The following RANBP3L variants were observed in gnomAD, a reference collection of about 807,000 sequenced individuals.
RANBP3L encodes RAN binding protein 3 like.
In RANBP3L, 56 loss-of-function variants were observed where a neutral mutation model predicts 67.2. That is an observed-to-expected ratio of 0.83 (90% confidence interval 0.67 to 1.04). The LOEUF is 1.04. RANBP3L is among the 50% of genes least tolerant of loss of function. RANBP3L has a pLI of 0.00. For missense variants in RANBP3L, 496 were observed against 535.5 expected (o/e 0.93, Z 0.73); for synonymous variants, 164 against 181.4 (o/e 0.90, Z 0.77).
chr5:36,249,515 CA>C lies in RANBP3L; in HGVS notation c.*138del, dbSNP rs1367812283. ...ATGTAAAACATAAAAATGTTAATTG[CA>C]ACAAATTACATTTCTTAAACTTTTC... is the stretch of plus-strand genomic sequence containing the variant. On this transcript the variant is annotated 3_prime_UTR_variant, in exon 14 of 14. Coordinates refer to ENST00000296604, the MANE Select transcript of RANBP3L (RefSeq NM_145000.5). The C allele has an allele frequency of 6.6e-6, 3 of 454,532 alleles. No individual in the cohort carries two copies. Among genetic ancestry groups the C allele is most frequent in the Non-Finnish European group, 1.2e-5 (3 of 247,980 alleles). 28.2% of individuals were successfully genotyped at this position (454,532 alleles called of 1,614,324 possible). A position where few individuals can be genotyped will look rare whatever the true frequency, so the allele number is the denominator to read the frequency against.
chr5:36,287,705 C>T (rs1399992279), intron 1 of RANBP3L, among the ~76,000 whole-genome samples: 3 of 152,106 alleles, frequency 2.0e-5, no homozygotes, highest in African/African-American at 7.2e-5. Context: ...TTTTATTATA[C>T]CTCAATTTAT....
At chr5:36,273,950 G>A (rs1045784304) in intron 1 of RANBP3L, among the ~76,000 whole-genome samples, 4 of 152,208 alleles carry the variant, frequency 2.6e-5, no homozygotes, top group Admixed American at 6.5e-5. Context: ...TCTACCAATC[G>A]CTGAGTTTTG....
chr5:36,255,501 G>T lies in RANBP3L; in HGVS notation c.993C>A (p.Ser331Arg). Residue 331 changes from serine to arginine, a missense_variant, in exon 11 of 14, where the codon AGC (serine) becomes AGA (arginine). By Grantham distance (110) the Ser-to-Arg change is moderately radical (BLOSUM62 -1). Coordinates refer to ENST00000296604, the MANE Select transcript of RANBP3L (RefSeq NM_145000.5). ...RGTLRLNDTASTDCGTLQSRL... is the reference protein window; with the variant it reads ...RGTLRLNDTARTDCGTLQSRL... ...TTGACTGTAATGTTCCACAGTCAGTGCTTGCTGTGTCATTCAGTCTCAACG... is the reference window on the plus strand; with the variant it reads ...TTGACTGTAATGTTCCACAGTCAGTTCTTGCTGTGTCATTCAGTCTCAACG... 6 of 1,611,486 alleles carry T rather than the reference G, an allele frequency of 3.7e-6. No individual in the cohort carries two copies. Among genetic ancestry groups the T allele is most frequent in the Non-Finnish European group, 4.2e-6 (5 of 1,178,012 alleles).
At chr5:36,279,735 T>G (rs1402656583) in intron 1 of RANBP3L, among the ~76,000 whole-genome samples, 1 of 152,186 alleles carries the variant, frequency 6.6e-6, no homozygotes, top group Non-Finnish European at 1.5e-5. Flanking sequence ...AACTGCAGTT[T>G]TAACTATACT....
intron 1 of RANBP3L, among the ~76,000 whole-genome samples, chr5:36,287,850 CT>C (rs1751436900): frequency 6.6e-6 from 1 of 152,184 alleles, no homozygotes; most frequent in African/African-American, 2.4e-5. Flanking sequence ...AACATTTTCT[CT>C]TGAAGGTGTG....
intron 11 of RANBP3L, among the ~76,000 whole-genome samples, chr5:36,255,114 C>T (rs1561095726): frequency 6.6e-6 from 1 of 152,070 alleles, no homozygotes; most frequent in Non-Finnish European, 1.5e-5. Flanking sequence ...TAGGTATGTG[C>T]TTGGCTCTGA....
intron 1 of RANBP3L, among the ~76,000 whole-genome samples, chr5:36,285,680 G>T (rs966168348): frequency 1.3e-5 from 2 of 152,144 alleles, no homozygotes; most frequent in African/African-American, 4.8e-5. Flanking sequence ...TGTATCTATT[G>T]ACCTAGTGGG....
intron 1 of RANBP3L, among the ~76,000 whole-genome samples, chr5:36,278,126 C>A (rs1750727189): frequency 6.6e-6 from 1 of 152,148 alleles, no homozygotes; most frequent in Admixed American, 6.5e-5. Flanking sequence ...CAAACAATAT[C>A]ACTTACCTAC....
intron 4 of RANBP3L, among the ~76,000 whole-genome samples, chr5:36,267,872 CTA>C (rs775846666): frequency 6.2e-4 from 95 of 152,230 alleles, no homozygotes; most frequent in Admixed American, 1.8e-3. Flanking sequence ...ACATTATAAA[CTA>C]TGTAGATGGA....
At chr5:36,297,844 T>G (rs370894018) in intron 1 of RANBP3L, among the ~76,000 whole-genome samples, 62 of 152,300 alleles carry the variant, frequency 4.1e-4, no homozygotes, top group African/African-American at 1.4e-3. Flanking sequence ...TCAATTTGCA[T>G]ACTCAGCATC....
chr5:36,261,185 T>C (rs780084553), intron 7 of RANBP3L, among the ~76,000 whole-genome samples: 52 of 152,290 alleles, frequency 3.4e-4, no homozygotes, highest in Middle Eastern at 3.4e-3. Flanking sequence ...AGTATCTAAT[T>C]TCCCCTCTTC....
intron 2 of RANBP3L, among the ~76,000 whole-genome samples, chr5:36,270,826 G>A (rs6886540): frequency 6.6e-6 from 1 of 152,094 alleles, no homozygotes; most frequent in Non-Finnish European, 1.5e-5. Context: ...CTTTCAAAAC[G>A]AATGATTTTA....
chr5:36,296,222 G>A (rs894178880), intron 1 of RANBP3L, among the ~76,000 whole-genome samples: 1 of 152,176 alleles, frequency 6.6e-6, no homozygotes. Context: ...AATCTGAGGG[G>A]TTGTGGGACG....
At chr5:36,251,876 G>A (rs1164422005) in intron 12 of RANBP3L, among the ~76,000 whole-genome samples, 1 of 152,004 alleles carries the variant, frequency 6.6e-6, no homozygotes, top group African/African-American at 2.4e-5. Context: ...CACTTTGCTT[G>A]GACATTCCTC....
chr5:36,262,121 T>C (rs749214779), intron 6 of RANBP3L, 79 bp from the exon 7 acceptor site: 11 of 707,158 alleles, frequency 1.6e-5, no homozygotes, highest in East Asian at 5.1e-5. Context: ...ACAATAGTTA[T>C]AGTTAAATAT....
chr5:36,291,351 T>A (rs936328139), intron 1 of RANBP3L, among the ~76,000 whole-genome samples: 27 of 151,582 alleles, frequency 1.8e-4, no homozygotes, highest in African/African-American at 2.7e-4. Context: ...TTTAATTTTT[T>A]ATTTTTTTAT....
chr5:36,295,790 G>A (rs1039630075), intron 1 of RANBP3L, among the ~76,000 whole-genome samples: 5 of 151,290 alleles, frequency 3.3e-5, no homozygotes, highest in Non-Finnish European at 5.9e-5. Flanking sequence ...TATTAGGAAG[G>A]CTTATTATGG....
chr5:36,299,842 G>A (rs1752494809), intron 1 of RANBP3L, among the ~76,000 whole-genome samples: 1 of 152,120 alleles, frequency 6.6e-6, no homozygotes, highest in East Asian at 1.9e-4. Flanking sequence ...TTCATCCTCT[G>A]TCATTAAATT....
At chr5:36,265,148 T>C (rs1390949791) in intron 5 of RANBP3L, 50 bp from the exon 6 acceptor site, 3 of 1,145,188 alleles carry the variant, frequency 2.6e-6, no homozygotes, top group African/African-American at 1.6e-5. Context: ...GAAATATTCC[T>C]TTACTCCCTA....
Sources: allele counts gnomAD v4.1 joint callset (sites outside exome capture counted in the v4.1 genomes callset), GRCh38; gene constraint gnomAD v4.1.1; transcripts MANE v1.5; gene names NCBI Gene and HGNC (gene_info 2026-07-23, HGNC 2026-07-21).